The following RGS7 variants were observed in gnomAD, a reference collection of about 807,000 sequenced individuals.
RGS7 encodes the protein regulator of G-protein signaling 7.
In RGS7, 27 loss-of-function variants were observed where a neutral mutation model predicts 81.1. That is an observed-to-expected ratio of 0.33 (90% CI 0.25 to 0.46). The LOEUF (loss-of-function observed/expected upper bound fraction) is 0.46. Among genes scored for constraint, RGS7 ranks in the 20% least tolerant of loss-of-function variants. The probability of loss-of-function intolerance (pLI) is 1.00; values close to 1 mark genes in which losing one functional copy is unlikely to be tolerated. For synonymous variants in RGS7, 208 were observed against 207.7 expected (o/e 1.00, Z -0.01); for missense variants, 396 against 607.4 (o/e 0.65, Z 3.66).
At chr1:241,241,735 T>C (rs1222869312) in intron 2 of RGS7, among the ~76,000 whole-genome samples, 1 of 152,096 alleles carries the variant, frequency 6.6e-6, no homozygotes, top group Non-Finnish European at 1.5e-5. Context: ...GAGGGACACA[T>C]GTATACATGT....
At position 241,076,727 on chromosome 1, in the gene RGS7, C is replaced by T. The variant is rs184160253; in HGVS notation, c.175+21939G>A. 5.3e-5 allele frequency among the ~76,000 whole-genome samples: 8 copies of T among 152,236 alleles called. No individual in the cohort carries two copies. In the East Asian group the frequency reaches 1.4e-3, roughly 26 times the overall value. On this transcript the variant is annotated intron_variant, in intron 3 of 18. Transcript: ENST00000440928. ...CCGTGATCACCGGTGCACCCAATGG[C>T]CAATTGATTTCTGTTTACATTCTGA...
At chr1:240,981,195 C>T (rs980600405) in intron 4 of RGS7, among the ~76,000 whole-genome samples, 6 of 152,018 alleles carry the variant, frequency 3.9e-5, no homozygotes, top group Admixed American at 1.3e-4. Flanking sequence ...CTGCAACCTC[C>T]GCCTCCTGGG....
intron 9 of RGS7, among the ~76,000 whole-genome samples, chr1:240,862,825 G>A (rs1433481189): frequency 6.8e-6 from 1 of 146,764 alleles, no homozygotes; most frequent in Admixed American, 6.7e-5. Context: ...GATAGTGATT[G>A]CTTCATAGTT....
chr1:241,182,825 TTTTGTTTG>T (rs71172686), intron 2 of RGS7, among the ~76,000 whole-genome samples: 1 of 149,882 alleles, frequency 6.7e-6, no homozygotes, highest in African/African-American at 2.4e-5. Context: ...ATTTTTCGGT[TTTTGTTTG>T]TTTGTTTGTT....
At chr1:241,294,542 G>T (rs1443202609) in intron 2 of RGS7, among the ~76,000 whole-genome samples, 1 of 152,144 alleles carries the variant, frequency 6.6e-6, no homozygotes, top group Non-Finnish European at 1.5e-5. Flanking sequence ...AATAAATTTA[G>T]TATCGCCTAA....
At chr1:241,086,835 G>C (rs1278753852) in intron 3 of RGS7, among the ~76,000 whole-genome samples, 1 of 152,106 alleles carries the variant, frequency 6.6e-6, no homozygotes, top group Admixed American at 6.6e-5. Context: ...GGAGTTCCCA[G>C]AGCTCGCCAG....
intron 2 of RGS7, among the ~76,000 whole-genome samples, chr1:241,286,153 C>A (rs1035635145): frequency 6.6e-6 from 1 of 152,154 alleles, no homozygotes; most frequent in Non-Finnish European, 1.5e-5. Context: ...GCCCAAGTCA[C>A]CTCCATCACT....
intron 2 of RGS7, among the ~76,000 whole-genome samples, chr1:241,309,688 T>C (rs547721124): frequency 1.7e-4 from 26 of 152,226 alleles, no homozygotes; most frequent in Non-Finnish European, 3.8e-4. Flanking sequence ...TGTTATAATG[T>C]TATACTTTGC....
chr1:240,839,454 A>G (rs1233781170), intron 9 of RGS7, among the ~76,000 whole-genome samples: 1 of 152,204 alleles, frequency 6.6e-6, no homozygotes, highest in Non-Finnish European at 1.5e-5. Flanking sequence ...AAGTCTCAAA[A>G]CTGTAACAAA....
At chr1:240,895,240 C>T (rs1668869017) in intron 6 of RGS7, among the ~76,000 whole-genome samples, 1 of 152,060 alleles carries the variant, frequency 6.6e-6, no homozygotes, top group Non-Finnish European at 1.5e-5. Context: ...AACCATGAGC[C>T]AATTAAACCT....
chr1:240,913,121 T>C (rs1017083499), intron 6 of RGS7, among the ~76,000 whole-genome samples: 4 of 152,252 alleles, frequency 2.6e-5, no homozygotes, highest in Admixed American at 1.3e-4. Context: ...TTTCTAGAGA[T>C]TGAGATTATA....
intron 2 of RGS7, among the ~76,000 whole-genome samples, chr1:241,133,012 T>C (rs911556746): frequency 6.6e-6 from 1 of 152,144 alleles, no homozygotes; most frequent in Non-Finnish European, 1.5e-5. Context: ...TCCGCCTGCC[T>C]CAGCCTCCCA....
intron 5 of RGS7, among the ~76,000 whole-genome samples, chr1:240,932,666 G>A (rs866657434): frequency 1.5e-4 from 23 of 149,420 alleles, no homozygotes; most frequent in African/African-American, 4.4e-4. Context: ...CCGCCACCAC[G>A]CCCAGCTGAG....
intron 2 of RGS7, among the ~76,000 whole-genome samples, chr1:241,327,016 A>AGGGAGGGAGGGAGGGAGGGAGGG (rs1558320300): frequency 2.2e-3 from 1 of 464 alleles, no homozygotes; most frequent in Non-Finnish European, 9.8e-3. Flanking sequence ...GGAAGGAAGG[A>AGGGAGGGAGGGAGGGAGGGAGGG]AGGAAGGAAG....
At chr1:240,822,290 A>G (rs563001414) in intron 10 of RGS7, among the ~76,000 whole-genome samples, 1 of 152,328 alleles carries the variant, frequency 6.6e-6, no homozygotes, top group East Asian at 1.9e-4. Context: ...TGTCCCACAA[A>G]AAGATGTACA....
At chr1:241,051,911 GA>G (rs2061271343) in intron 3 of RGS7, among the ~76,000 whole-genome samples, 1 of 152,116 alleles carries the variant, frequency 6.6e-6, no homozygotes, top group Non-Finnish European at 1.5e-5. Context: ...AGAGGTTAAA[GA>G]ACTTGTCCAC....
intron 2 of RGS7, among the ~76,000 whole-genome samples, chr1:241,106,724 A>G (rs1314795968): frequency 1.6e-5 from 2 of 123,264 alleles, no homozygotes; most frequent in South Asian, 2.2e-4. Context: ...TCCAAAAAAA[A>G]AAAAAAAAAA....
At chr1:240,788,576 C>A (rs1685448728) in intron 18 of RGS7, among the ~76,000 whole-genome samples, 1 of 152,186 alleles carries the variant, frequency 6.6e-6, no homozygotes, top group Non-Finnish European at 1.5e-5. Flanking sequence ...AAGATGGAGT[C>A]CAGCAATCTG....
intron 2 of RGS7, among the ~76,000 whole-genome samples, chr1:241,161,831 C>A (rs1272638858): frequency 6.6e-6 from 1 of 151,700 alleles, no homozygotes; most frequent in African/African-American, 2.4e-5. Context: ...GATTCTCCTG[C>A]CTCAGCCACC....
Sources: allele counts gnomAD v4.1 joint callset (sites outside exome capture counted in the v4.1 genomes callset), GRCh38; gene constraint gnomAD v4.1.1; transcripts MANE v1.5; gene names NCBI Gene and HGNC (gene_info 2026-07-23, HGNC 2026-07-21).